Variants in WDR33 observed in about 807,000 individuals in gnomAD.
The protein encoded by WDR33 is WD repeat domain 33.
WDR33 carries 47 observed loss-of-function variants against 164.9 expected under a neutral mutation model. The observed-to-expected ratio is 0.29, with a 90% CI of 0.23 to 0.36. The LOEUF is 0.36. Ranked by LOEUF, WDR33 falls within the 10% of genes least tolerant of loss-of-function variation. The pLI, the probability that WDR33 is intolerant of heterozygous loss-of-function variation, is 1.00. For synonymous variants in WDR33, 505 were observed against 589.0 expected (o/e 0.86, Z 2.06); for missense variants, 1,137 against 1,754.1 (o/e 0.65, Z 6.28).
At chr2:127,748,183 T>C (rs1687220084) in intron 7 of WDR33, among the ~76,000 whole-genome samples, 1 of 152,200 alleles carries the variant, frequency 6.6e-6, no homozygotes, top group Non-Finnish European at 1.5e-5. Flanking sequence ...AGCCCTCATG[T>C]CCTTAGACCT....
chr2:127,709,353 GCAGGA>G lies in WDR33; in HGVS notation c.3565+132_3565+136del. 2.6e-6 allele frequency: 2 copies of G among 767,526 alleles called. No individual in the cohort carries two copies. Among genetic ancestry groups the G allele is most frequent in the South Asian group, 3.3e-5 (2 of 60,904 alleles). The allele number at this position is 767,526 out of a possible 1,614,324, so 47.5% of individuals were successfully genotyped here. Reference sequence around the variant, plus strand: ...CCTGCTGAGATCAAGTGCTGCGGCTGCAGGACAGGAGACAGCCCAGCCCCCCGGGA... The same window carrying G: ...CCTGCTGAGATCAAGTGCTGCGGCTGCAGGAGACAGCCCAGCCCCCCGGGA... On this transcript the variant is annotated intron_variant, in intron 20 of 21. Coordinates refer to ENST00000322313, the MANE Select transcript of WDR33 (RefSeq NM_018383.5). This position sits in a 1 kb window ranked among gnomAD's most constrained non-coding sequence, Gnocchi z 5.0.
At position 127,741,282 on chromosome 2, in the gene WDR33, G is replaced by T. The variant is rs1229934749; in HGVS notation, c.725-14505C>A. Among the ~76,000 whole-genome samples the T allele has an allele frequency of 6.6e-6, 1 of 152,200 alleles. No homozygotes were observed. Among genetic ancestry groups the T allele is most frequent in the Non-Finnish European group, 1.5e-5 (1 of 68,030 alleles). On this transcript the variant is annotated intron_variant, in intron 7 of 21. Transcript: ENST00000322313. The surrounding 1 kb of genome is among the most constrained non-coding windows in gnomAD (Gnocchi z 4.1). ...AATGCCACGGATGACACTGAAAATGGAAAGAAGTGGAGGGCAAAGAGAGAA... is the reference window on the plus strand; with the variant it reads ...AATGCCACGGATGACACTGAAAATGTAAAGAAGTGGAGGGCAAAGAGAGAA...
rs1377606912 is a variant in WDR33 at position 127,710,176 on chromosome 2, TC to T, written c.3309-321del. ...ATATGAAGCTGGTATTATCAGCAGT[TC>T]CACTGATGAGAACACTGAGGCCCAG... On this transcript the variant is annotated intron_variant, in intron 18 of 21. Transcript: ENST00000322313. The surrounding 1 kb of genome is among the most constrained non-coding windows in gnomAD (Gnocchi z 4.4). Among the ~76,000 whole-genome samples, 1 of 152,198 alleles carries T rather than the reference TC, an allele frequency of 6.6e-6. No individual in the cohort carries two copies. The highest frequency in any genetic ancestry group is 1.5e-5 in the Non-Finnish European group (1 of 68,038).
chr2:127,771,114 T>C (rs1687988346), intron 1 of WDR33, 110 bp from the exon 2 acceptor site: 2 of 820,076 alleles, frequency 2.4e-6, no homozygotes, highest in Admixed American at 5.5e-5. Flanking sequence ...CTAACGTGCA[T>C]CATTTCCACT....
In WDR33 at chr2:127,764,637, AC is replaced by A. The variant is rs1235329768; in HGVS notation, c.626+190del. On this transcript the variant is annotated intron_variant, in intron 6 of 21. Transcript: ENST00000322313. This position sits in a 1 kb window ranked among gnomAD's most constrained non-coding sequence, Gnocchi z 6.2. ...ACATATTGCAAAGGCTGATACCGGGACAACACTACTTCAGAAAGGTGCCAGC... is the reference window on the plus strand; with the variant it reads ...ACATATTGCAAAGGCTGATACCGGGAAACACTACTTCAGAAAGGTGCCAGC... 1 of 1,557,576 alleles carries A rather than the reference AC, an allele frequency of 6.4e-7. No homozygotes were observed. Among genetic ancestry groups the A allele is most frequent in the South Asian group, 1.2e-5 (1 of 85,234 alleles).
At position 127,764,006 on chromosome 2, in the gene WDR33, A is replaced by T; in HGVS notation, c.626+822T>A. On this transcript the variant is annotated intron_variant, in intron 6 of 21. Coordinates refer to ENST00000322313, the MANE Select transcript of WDR33 (RefSeq NM_018383.5). This position sits in a 1 kb window ranked among gnomAD's most constrained non-coding sequence, Gnocchi z 6.2. ...AATGACTACAGTGGATGATGTTTCC[A>T]TAAAGATGTCAACCTCCTCCCACAC... 1 of 986,186 alleles carries T rather than the reference A, an allele frequency of 1.0e-6. No homozygotes were observed. Among genetic ancestry groups the T allele is most frequent in the Non-Finnish European group, 1.2e-6 (1 of 830,508 alleles). 61.1% of individuals were successfully genotyped at this position (986,186 alleles called of 1,614,324 possible). A position where few individuals can be genotyped will look rare whatever the true frequency, so the allele number is the denominator to read the frequency against.
Position 127,726,104 on chromosome 2 carries a change from G to A in WDR33, c.851+547C>T, listed in dbSNP as rs1438830773. On this transcript the variant is annotated intron_variant, in intron 8 of 21. Coordinates refer to ENST00000322313, the MANE Select transcript of WDR33 (RefSeq NM_018383.5). The surrounding 1 kb of genome is among the most constrained non-coding windows in gnomAD (Gnocchi z 4.8). ...CTGAATATGGTTCTCTTCCCAATCAGAAAGACCAGGAAATGGATGCTTGGT... is the reference window on the plus strand; with the variant it reads ...CTGAATATGGTTCTCTTCCCAATCAAAAAGACCAGGAAATGGATGCTTGGT... Among the ~76,000 whole-genome samples, 2 of 152,118 alleles carry A rather than the reference G, an allele frequency of 1.3e-5. No individual in the cohort carries two copies. The highest frequency in any genetic ancestry group is 2.9e-5 in the Non-Finnish European group (2 of 68,024).
At chr2:127,766,547 C>T (rs1050241084) in intron 4 of WDR33, among the ~76,000 whole-genome samples, 8 of 152,150 alleles carry the variant, frequency 5.3e-5, no homozygotes, top group African/African-American at 1.7e-4. Flanking sequence ...TGTGCCTCTA[C>T]TATGTGCAAA....
intron 1 of WDR33, among the ~76,000 whole-genome samples, chr2:127,785,035 A>C (rs1688511479): frequency 6.6e-6 from 1 of 152,204 alleles, no homozygotes. Context: ...GATTTTTATC[A>C]CTGGCAACAA....
At chr2:127,711,763 TATATATATATATA>T (rs1686172867) in intron 18 of WDR33, among the ~76,000 whole-genome samples, 1 of 84,688 alleles carries the variant, frequency 1.2e-5, no homozygotes, top group African/African-American at 9.3e-5. Context: ...TATATATATA[TATATATATATATA>T]TATATTTTTT....
intron 7 of WDR33, chr2:127,737,460 GT>G: frequency 1.0e-6 from 1 of 985,644 alleles, no homozygotes; most frequent in African/African-American, 1.7e-5. Flanking sequence ...AATATATACA[GT>G]CAAGAAAAGC....
In WDR33 at chr2:127,711,751, GATAT is replaced by G. The variant is rs754454193; in HGVS notation, c.3308+1828_3308+1831del. Among the ~76,000 whole-genome samples, 61 of 71,572 alleles carry G rather than the reference GATAT, an allele frequency of 8.5e-4. 2 individuals carry two copies. The highest frequency in any genetic ancestry group is 3.2e-3 in the African/African-American group (32 of 10,102). 47.0% of individuals were successfully genotyped at this position (71,572 alleles called of 152,430 possible). A position where few individuals can be genotyped will look rare whatever the true frequency, so the allele number is the denominator to read the frequency against. ...CAACCCTAACTCAACCACATATACAGATATATATATATATATATATATATATATA... is the reference window on the plus strand; with the variant it reads ...CAACCCTAACTCAACCACATATACAGATATATATATATATATATATATATA... On this transcript the variant is annotated intron_variant, in intron 18 of 21. Coordinates refer to ENST00000322313, the MANE Select transcript of WDR33 (RefSeq NM_018383.5).
intron 7 of WDR33, among the ~76,000 whole-genome samples, chr2:127,757,909 A>C (rs1252938731): frequency 1.3e-5 from 2 of 152,204 alleles, no homozygotes; most frequent in Non-Finnish European, 2.9e-5. Context: ...CCACCAATGC[A>C]ATCATGAAGG....
Position 127,741,142 on chromosome 2 carries a change from T to A in WDR33, c.725-14365A>T, listed in dbSNP as rs965156193. Among the ~76,000 whole-genome samples the A allele has an allele frequency of 6.6e-6, 1 of 152,176 alleles. No homozygotes were observed. The highest frequency in any genetic ancestry group is 2.4e-5 in the African/African-American group (1 of 41,444). On this transcript the variant is annotated intron_variant, in intron 7 of 21. Coordinates refer to ENST00000322313, the MANE Select transcript of WDR33 (RefSeq NM_018383.5). The surrounding 1 kb of genome is among the most constrained non-coding windows in gnomAD (Gnocchi z 4.1). ...GTTTCTGTAGAACAGATGCTCTCAG[T>A]CAGACAAAGCAAATTATACAAAGCA... is the stretch of plus-strand genomic sequence containing the variant.
chr2:127,748,985 C>T (rs1687240702), intron 7 of WDR33, among the ~76,000 whole-genome samples: 1 of 151,600 alleles, frequency 6.6e-6, no homozygotes, highest in Admixed American at 6.6e-5. Context: ...TTCATATGCA[C>T]TCTTTTGATG....
At chr2:127,766,844 A>C (rs1687838173) in intron 4 of WDR33, among the ~76,000 whole-genome samples, 1 of 151,798 alleles carries the variant, frequency 6.6e-6, no homozygotes, top group South Asian at 2.1e-4. Context: ...ATCTAGGCTC[A>C]CTGCAACCTC....
chr2:127,774,141 TC>T (rs1212897416), intron 1 of WDR33, among the ~76,000 whole-genome samples: 1 of 145,630 alleles, frequency 6.9e-6, no homozygotes, highest in Admixed American at 7.1e-5. Flanking sequence ...AACCTCTGCC[TC>T]CCGGGTTCAA....
intron 7 of WDR33, among the ~76,000 whole-genome samples, chr2:127,761,753 A>G (rs1687684009): frequency 6.6e-6 from 1 of 152,222 alleles, no homozygotes. Flanking sequence ...TAACTCAGAC[A>G]TGATCATCTC....
chr2:127,717,084 A>C lies in WDR33; in HGVS notation c.2869+71T>G, dbSNP rs967263915. ...CCAGTCTATCAATGACTGGCCAACA[A>C]AATTATTCACTGTAAAATGTGCACA... On this transcript the variant is annotated intron_variant, in intron 17 of 21. Transcript: ENST00000322313. This position sits in a 1 kb window ranked among gnomAD's most constrained non-coding sequence, Gnocchi z 5.6. 1 of 1,495,056 alleles carries C rather than the reference A, an allele frequency of 6.7e-7. No individual in the cohort carries two copies. 92.6% of individuals were successfully genotyped at this position (1,495,056 alleles called of 1,614,324 possible).
Sources: allele counts gnomAD v4.1 joint callset (sites outside exome capture counted in the v4.1 genomes callset), GRCh38; gene constraint gnomAD v4.1.1; non-coding constraint Gnocchi (gnomAD v3.1); transcripts MANE v1.5; gene names NCBI Gene and HGNC (gene_info 2026-07-23, HGNC 2026-07-21).